CDKL1: variants seen among roughly 807,000 people sequenced by gnomAD.
CDKL1 encodes cyclin dependent kinase like 1, also known as cyclin-dependent kinase-like 1.
In CDKL1, 41 loss-of-function variants were observed where a neutral mutation model predicts 42.0. The observed-to-expected ratio is 0.98, with a 90% CI of 0.76 to 1.27. The LOEUF is 1.27. Among genes scored for constraint, CDKL1 ranks in the 50% most tolerant of loss-of-function variants. CDKL1 has a pLI of 0.00. For synonymous variants in CDKL1, 153 were observed against 158.6 expected, an observed-to-expected ratio of 0.96 and a Z score of 0.26; for missense variants, 394 against 428.4, an observed-to-expected ratio of 0.92 and a Z score of 0.71.
At chr14:50,351,434 T>G (rs933012030) in intron 3 of CDKL1, among the ~76,000 whole-genome samples, 1 of 152,020 alleles carries the variant, frequency 6.6e-6, no homozygotes, top group African/African-American at 2.4e-5. Flanking sequence ...TGAGAGGCTA[T>G]TAAAATGAGT....
At chr14:50,362,627 C>A (rs1324611789) in intron 2 of CDKL1, among the ~76,000 whole-genome samples, 1 of 152,140 alleles carries the variant, frequency 6.6e-6, no homozygotes, top group Non-Finnish European at 1.5e-5. Context: ...AATCGACACT[C>A]TGTATCTAGC....
At chr14:50,339,199 C>T (rs897709619) in intron 6 of CDKL1, among the ~76,000 whole-genome samples, 170 bp from the exon 7 acceptor site, 3 of 152,074 alleles carry the variant, frequency 2.0e-5, no homozygotes, top group Non-Finnish European at 4.4e-5. Context: ...TGTATTGATC[C>T]CTACGGTGGA....
intron 2 of CDKL1, among the ~76,000 whole-genome samples, chr14:50,389,162 C>T (rs1045186680): frequency 5.3e-5 from 8 of 150,908 alleles, no homozygotes; most frequent in Admixed American, 1.3e-4. Context: ...ACTGTAGCTC[C>T]TGTCCCCATG....
chr14:50,377,034 G>A (rs2034752803), intron 2 of CDKL1, among the ~76,000 whole-genome samples: 1 of 152,230 alleles, frequency 6.6e-6, no homozygotes. Context: ...AGGCTTTTAT[G>A]TGGGATTCTG....
In CDKL1 at chr14:50,330,195, A is replaced by G; in HGVS notation, c.967-14T>C. 1 of 1,597,752 alleles carries G rather than the reference A, an allele frequency of 6.3e-7. No homozygotes were observed. Among genetic ancestry groups the G allele is most frequent in the South Asian group, 1.1e-5 (1 of 86,972 alleles). On this transcript the variant is annotated splice_polypyrimidine_tract_variant and intron_variant, in intron 9 of 9. Coordinates refer to ENST00000395834, the MANE Select transcript of CDKL1 (RefSeq NM_004196.7). ...TAGGTACTGCAACTAAAAATGCAAA[A>G]CACAGAATTAGGTTCAAAACTGTGC...
intron 2 of CDKL1, among the ~76,000 whole-genome samples, chr14:50,384,089 G>A (rs2139525852): frequency 6.6e-6 from 1 of 152,290 alleles, no homozygotes; most frequent in African/African-American, 2.4e-5. Context: ...ATGATAAGAG[G>A]ATTGTTTGGT....
chr14:50,337,498 TG>T (rs1348980959), intron 7 of CDKL1, among the ~76,000 whole-genome samples: 1 of 151,640 alleles, frequency 6.6e-6, no homozygotes, highest in Non-Finnish European at 1.5e-5. Flanking sequence ...GCTATAGGCA[TG>T]TGTCTCCAAC....
intron 8 of CDKL1, chr14:50,332,723 A>C: frequency 6.6e-7 from 1 of 1,516,678 alleles, no homozygotes; most frequent in Non-Finnish European, 8.8e-7. Context: ...TTTAGAGTTT[A>C]CCTCAGTGGC....
chr14:50,375,855 G>T (rs370739891), intron 2 of CDKL1, among the ~76,000 whole-genome samples: 6 of 152,070 alleles, frequency 3.9e-5, no homozygotes, highest in Admixed American at 1.3e-4. Context: ...GGGATGGGAC[G>T]TGGTCTTCTA....
intron 2 of CDKL1, among the ~76,000 whole-genome samples, chr14:50,372,646 CTA>C (rs1334740429): frequency 6.6e-6 from 1 of 152,128 alleles, no homozygotes; most frequent in African/African-American, 2.4e-5. Context: ...AATTTTCCCC[CTA>C]TGTTTTCTTC....
At chr14:50,343,512 C>G (rs1240199335) in intron 4 of CDKL1, among the ~76,000 whole-genome samples, 3 of 152,104 alleles carry the variant, frequency 2.0e-5, no homozygotes, top group Admixed American at 2.0e-4. Context: ...GATCTCTATT[C>G]TTTTTACCAC....
chr14:50,341,292 G>A, intron 5 of CDKL1, 60 bp from the exon 6 acceptor site: 2 of 1,528,332 alleles, frequency 1.3e-6, no homozygotes, highest in Non-Finnish European at 1.8e-6. Flanking sequence ...CAAAACTGAG[G>A]GGGAGATCTC....
At chr14:50,357,994 T>A (rs761686910) in intron 3 of CDKL1, 3 of 1,281,154 alleles carry the variant, frequency 2.3e-6, no homozygotes, top group East Asian at 9.3e-5. Context: ...AGCTGAGGAG[T>A]GGGTGGGAGC....
At chr14:50,368,866 CT>C (rs546628912) in intron 2 of CDKL1, among the ~76,000 whole-genome samples, 406 of 130,998 alleles carry the variant, frequency 3.1e-3, no homozygotes, top group Admixed American at 5.2e-3. Context: ...AGTTGCCAAC[CT>C]TTTTTTTTTT....
In CDKL1 at chr14:50,395,753, T is replaced by C; in HGVS notation, c.116A>G (p.Glu39Gly). 6.2e-7 allele frequency: 1 copy of C among 1,614,058 alleles called. No individual in the cohort carries two copies. Among genetic ancestry groups the C allele is most frequent in the South Asian group, 1.1e-5 (1 of 91,082 alleles). ...IVAIKKFLES[E>G]DDPVIKKIAL... ...AATTTTCTTTATGACAGGGTCATCT[T>C]CTGATTCCAGAAACTTCTTGATGGC... Residue 39 changes from glutamate to glycine, a missense_variant, in exon 2 of 10, where the codon GAA becomes GGA. Transcript: ENST00000395834.
chr14:50,361,842 C>G lies in CDKL1; in HGVS notation c.169-2693G>C, dbSNP rs114925060. Among the ~76,000 whole-genome samples the G allele has an allele frequency of 8.9e-3, 1,360 of 152,374 alleles. 14 individuals carry two copies. The highest frequency in any genetic ancestry group is 0.031 in the African/African-American group (1,281 of 41,598). ...TCTCGGCGCCTTCTCTATCTGGGCT[C>G]CCACTTTGGCGGCACTTGAGGAGCC... is the stretch of plus-strand genomic sequence containing the variant. On this transcript the variant is annotated intron_variant, in intron 2 of 9. Transcript: ENST00000395834.
chr14:50,392,387 A>G (rs968765572), intron 2 of CDKL1, among the ~76,000 whole-genome samples: 1 of 151,858 alleles, frequency 6.6e-6, no homozygotes, highest in Non-Finnish European at 1.5e-5. Flanking sequence ...CGGAGGTTGC[A>G]GTGAGCTGAG....
intron 4 of CDKL1, 31 bp from the exon 5 acceptor site, chr14:50,342,253 T>C (rs1214771395): frequency 2.5e-6 from 4 of 1,579,784 alleles, no homozygotes; most frequent in Non-Finnish European, 3.5e-6. Flanking sequence ...AAAAACAATA[T>C]TAAGGCTGAA....
At chr14:50,334,897 A>C in intron 7 of CDKL1, 5 of 261,120 alleles carry the variant, frequency 1.9e-5, no homozygotes, top group Non-Finnish European at 6.9e-6. Flanking sequence ...AAAAATACTA[A>C]TGAAAAAAAA....
Sources: gnomAD v4.1 joint callset for allele counts (sites outside exome capture counted in the v4.1 genomes callset) on GRCh38, gnomAD v4.1.1 for gene constraint, MANE v1.5 for transcripts, NCBI Gene and HGNC (gene_info 2026-07-23, HGNC 2026-07-21) for gene names.